The following TBC1D32 variants were observed in gnomAD, a reference collection of about 807,000 sequenced individuals.
TBC1D32 encodes protein broad-minded.
A neutral mutation model predicts 170.3 loss-of-function variants in TBC1D32; 151 were observed. That is an observed-to-expected ratio of 0.89 (90% CI 0.78 to 1.01). The LOEUF (loss-of-function observed/expected upper bound fraction) is 1.01, where lower values mean the gene tolerates loss of function less well. Ranked by LOEUF, TBC1D32 falls within the 50% of genes least tolerant of loss-of-function variation. TBC1D32 has a pLI of 0.00. For synonymous variants in TBC1D32, 498 were observed against 488.0 expected (o/e 1.02, Z -0.27); for missense variants, 1,464 against 1,457.1 (o/e 1.00, Z -0.08).
chr6:121,306,250 A>G (rs919191134), intron 5 of TBC1D32, among the ~76,000 whole-genome samples: 1 of 152,196 alleles, frequency 6.6e-6, no homozygotes, highest in African/African-American at 2.4e-5. Context: ...AATTACAAAC[A>G]GTGATTCCCA....
At chr6:121,102,878 C>T (rs1052517350) in intron 30 of TBC1D32, among the ~76,000 whole-genome samples, 2 of 152,038 alleles carry the variant, frequency 1.3e-5, no homozygotes, top group African/African-American at 4.8e-5. Context: ...ACAAAGAACT[C>T]AAACAAACTT....
intron 30 of TBC1D32, among the ~76,000 whole-genome samples, chr6:121,103,572 T>C (rs889877745): frequency 2.8e-5 from 3 of 108,030 alleles, no homozygotes; most frequent in African/African-American, 1.1e-4. Flanking sequence ...CATTACACTC[T>C]GGGGCCTGTT....
intron 17 of TBC1D32, among the ~76,000 whole-genome samples, chr6:121,254,110 C>T (rs971130156): frequency 1.3e-5 from 2 of 151,924 alleles, no homozygotes; most frequent in Non-Finnish European, 2.9e-5. Flanking sequence ...AGCTGGAGGC[C>T]GATTTTTCTA....
At chr6:121,111,776 T>C (rs1429464585) in intron 29 of TBC1D32, among the ~76,000 whole-genome samples, 1 of 152,134 alleles carries the variant, frequency 6.6e-6, no homozygotes, top group Non-Finnish European at 1.5e-5. Context: ...TAATGAATAT[T>C]TTCATCTCCA....
chr6:121,295,553 A>G (rs1310254826), intron 10 of TBC1D32, among the ~76,000 whole-genome samples: 1 of 152,094 alleles, frequency 6.6e-6, no homozygotes, highest in East Asian at 1.9e-4. Context: ...TTTTTCAGCT[A>G]AGAAGGATAT....
At chr6:121,114,647 G>A (rs1779515923) in intron 27 of TBC1D32, among the ~76,000 whole-genome samples, 2 of 152,054 alleles carry the variant, frequency 1.3e-5, no homozygotes, top group South Asian at 2.1e-4. Flanking sequence ...TAAGTAAAAT[G>A]GGAATGTTAA....
At chr6:121,305,973 T>C (rs1466108160) in intron 5 of TBC1D32, among the ~76,000 whole-genome samples, 1 of 152,142 alleles carries the variant, frequency 6.6e-6, no homozygotes, top group East Asian at 1.9e-4. Flanking sequence ...CAATTTGCTA[T>C]TTTGTAAAGT....
intron 29 of TBC1D32, among the ~76,000 whole-genome samples, chr6:121,109,873 T>G (rs1779039025): frequency 6.6e-6 from 1 of 152,108 alleles, no homozygotes; most frequent in Non-Finnish European, 1.5e-5. Flanking sequence ...AGGTCATTTG[T>G]TTACAACATT....
chr6:121,150,646 G>T (rs756306121), intron 24 of TBC1D32, among the ~76,000 whole-genome samples: 3 of 152,110 alleles, frequency 2.0e-5, no homozygotes, highest in Non-Finnish European at 4.4e-5. Context: ...GCTTATTTTG[G>T]TTGGTAGACT....
chr6:121,114,005 C>A lies in TBC1D32; in HGVS notation c.3054-828G>T, dbSNP rs892917499. ...CCTGACCAACATGGTGAAAACCCATCTCTGCTAAAAATACAAAAATTAGCT... is the reference window on the plus strand; with the variant it reads ...CCTGACCAACATGGTGAAAACCCATATCTGCTAAAAATACAAAAATTAGCT... On this transcript the variant is annotated intron_variant, in intron 27 of 31. Transcript: ENST00000398212. 2.2e-4 allele frequency among the ~76,000 whole-genome samples: 33 copies of A among 152,086 alleles called. 1 individual carries two copies. Among genetic ancestry groups the A allele is most frequent in the Admixed American group, 2.0e-3 (31 of 15,268 alleles).
intron 12 of TBC1D32, among the ~76,000 whole-genome samples, chr6:121,290,708 T>C (rs1370351309): frequency 6.6e-6 from 1 of 151,902 alleles, no homozygotes; most frequent in Middle Eastern, 3.2e-3. Context: ...CACATATGTT[T>C]ATTGCGGCAC....
chr6:121,309,204 C>A (rs1807805317), intron 4 of TBC1D32, among the ~76,000 whole-genome samples: 1 of 152,156 alleles, frequency 6.6e-6, no homozygotes, highest in South Asian at 2.1e-4. Flanking sequence ...AATTCATTTA[C>A]AATGTTAAGT....
intron 21 of TBC1D32, among the ~76,000 whole-genome samples, chr6:121,212,410 C>A (rs2102102): frequency 6.6e-6 from 1 of 150,458 alleles, no homozygotes; most frequent in Non-Finnish European, 1.5e-5. Flanking sequence ...ATAACAAAAC[C>A]TGGCAGAGAC....
chr6:121,254,433 T>C (rs1798706664), intron 17 of TBC1D32, among the ~76,000 whole-genome samples: 1 of 152,006 alleles, frequency 6.6e-6, no homozygotes, highest in Non-Finnish European at 1.5e-5. Context: ...AAATTAATTA[T>C]TAAAAAATGA....
At chr6:121,086,879 C>T (rs148459176) in intron 31 of TBC1D32, among the ~76,000 whole-genome samples, 1 of 152,300 alleles carries the variant, frequency 6.6e-6, no homozygotes, top group Non-Finnish European at 1.5e-5. Flanking sequence ...ATGCGCGCTA[C>T]AGATGAGTTG....
intron 9 of TBC1D32, among the ~76,000 whole-genome samples, chr6:121,301,842 C>A (rs1806529447): frequency 6.6e-6 from 1 of 151,670 alleles, no homozygotes; most frequent in South Asian, 2.1e-4. Flanking sequence ...GTTGGCCAAG[C>A]TGGTCTCAAA....
At chr6:121,123,182 G>A (rs1436385774) in intron 26 of TBC1D32, among the ~76,000 whole-genome samples, 1 of 151,988 alleles carries the variant, frequency 6.6e-6, no homozygotes, top group Non-Finnish European at 1.5e-5. Flanking sequence ...ATCACATATG[G>A]GCTTTACTGT....
At chr6:121,090,811 G>A (rs749002025) in intron 31 of TBC1D32, 42 bp downstream of exon 31, 1 of 1,558,556 alleles carries the variant, frequency 6.4e-7, no homozygotes, top group African/African-American at 1.4e-5. Context: ...ACCAAAGTTA[G>A]CTATTAACTC....
intron 30 of TBC1D32, among the ~76,000 whole-genome samples, chr6:121,092,205 TATTTTC>T (rs754357167): frequency 6.6e-6 from 1 of 151,390 alleles, no homozygotes; most frequent in African/African-American, 2.4e-5. Flanking sequence ...TACTTTCCAA[TATTTTC>T]ATTTTCATTT....
Sources: allele counts gnomAD v4.1 joint callset (sites outside exome capture counted in the v4.1 genomes callset), GRCh38; gene constraint gnomAD v4.1.1; transcripts MANE v1.5; gene names NCBI Gene and HGNC (gene_info 2026-07-23, HGNC 2026-07-21).